Variants in AFAP1 observed in about 807,000 individuals in gnomAD.
AFAP1 encodes the protein actin filament associated protein 1.
AFAP1 carries 75 observed loss-of-function variants against 93.9 expected under a neutral mutation model. The observed-to-expected ratio is 0.80, with a 90% CI of 0.66 to 0.97. The LOEUF is 0.97. Among genes scored for constraint, AFAP1 ranks in the 50% least tolerant of loss-of-function variants. AFAP1 has a pLI of 0.00. For missense variants in AFAP1, 1,201 were observed against 1,050.8 expected (o/e 1.14, Z -1.98); for synonymous variants, 517 against 430.7 (o/e 1.20, Z -2.48).
At chr4:7,802,693 A>C (rs1719158009) in intron 9 of AFAP1, among the ~76,000 whole-genome samples, 1 of 142,236 alleles carries the variant, frequency 7.0e-6, no homozygotes, top group Admixed American at 7.5e-5. Context: ...CCAGGCTGGC[A>C]GGCTGGAGTG....
chr4:7,856,740 G>A (rs574867007), intron 3 of AFAP1, among the ~76,000 whole-genome samples: 5 of 152,226 alleles, frequency 3.3e-5, no homozygotes, highest in Admixed American at 1.3e-4. Context: ...TCCCTCCTAA[G>A]ACCATCTACA....
intron 1 of AFAP1, among the ~76,000 whole-genome samples, chr4:7,914,705 C>G (rs1260258847): frequency 6.6e-6 from 1 of 152,150 alleles, no homozygotes; most frequent in East Asian, 1.9e-4. Flanking sequence ...GTAGTTTTCT[C>G]AGGAACCTCC....
chr4:7,820,202 C>G (rs992898562), intron 6 of AFAP1, among the ~76,000 whole-genome samples: 2 of 152,142 alleles, frequency 1.3e-5, no homozygotes. Flanking sequence ...GGACATGGGA[C>G]TTGAGGGAAA....
At chr4:7,864,166 C>CTTCCCA (rs1257426017) in intron 3 of AFAP1, among the ~76,000 whole-genome samples, 51 of 152,042 alleles carry the variant, frequency 3.4e-4, no homozygotes, top group Middle Eastern at 3.4e-3. Context: ...CATCACAACC[C>CTTCCCA]ACAGGTCCTT....
chr4:7,830,466 A>T (rs531299352), intron 6 of AFAP1, among the ~76,000 whole-genome samples: 129 of 152,362 alleles, frequency 8.5e-4, no homozygotes, highest in African/African-American at 3.0e-3. Flanking sequence ...TGGCCATCAG[A>T]AGCAGATAAT....
chr4:7,836,709 A>G (rs1712343309), intron 6 of AFAP1, among the ~76,000 whole-genome samples: 1 of 152,160 alleles, frequency 6.6e-6, no homozygotes, highest in East Asian at 1.9e-4. Context: ...TTGGCTCCCA[A>G]AGTGCTGGGA....
chr4:7,798,828 AC>A, intron 10 of AFAP1: 1 of 763,404 alleles, frequency 1.3e-6, no homozygotes, highest in Non-Finnish European at 1.6e-6. Flanking sequence ...ACTTCCACCC[AC>A]CCCCACCGCA....
At position 7,879,698 on chromosome 4, in the gene AFAP1, G is replaced by A. The variant is rs796506737; in HGVS notation, c.-2-7618C>T. 6.3e-4 allele frequency among the ~76,000 whole-genome samples: 64 copies of A among 101,672 alleles called. 1 individual carries two copies. Among genetic ancestry groups the A allele is most frequent in the African/African-American group, 2.0e-3 (61 of 30,004 alleles). The allele number at this position is 101,672 out of a possible 152,430, so 66.7% of individuals were successfully genotyped here. On this transcript the variant is annotated intron_variant, in intron 1 of 17. Transcript: ENST00000420658. Reference sequence around the variant, plus strand: ...ACTAATTAATTATCTCTGCTTGCTTGCTTTTTTTTTTTTTTTTTTGTGAGA... The same window carrying A: ...ACTAATTAATTATCTCTGCTTGCTTACTTTTTTTTTTTTTTTTTTGTGAGA...
chr4:7,888,143 T>C (rs1718238744), intron 1 of AFAP1, among the ~76,000 whole-genome samples: 2 of 152,250 alleles, frequency 1.3e-5, no homozygotes, highest in African/African-American at 4.8e-5. Flanking sequence ...AGAACAATTA[T>C]TAATTTCAGG....
chr4:7,914,581 G>A lies in AFAP1; in HGVS notation c.-3+25075C>T, dbSNP rs1008516855. Among the ~76,000 whole-genome samples the A allele has an allele frequency of 3.5e-4, 53 of 152,046 alleles. 1 individual carries two copies. Among genetic ancestry groups the A allele is most frequent in the Admixed American group, 9.2e-4 (14 of 15,262 alleles). On this transcript the variant is annotated intron_variant, in intron 1 of 17. Transcript: ENST00000420658. ...GAGGCTGATTCCATATCTTGGCTAC[G>A]GTGAACAGCGCTGCAGGTAACACAG...
chr4:7,887,519 C>T (rs1478195823), intron 1 of AFAP1, among the ~76,000 whole-genome samples: 1 of 152,126 alleles, frequency 6.6e-6, no homozygotes, highest in African/African-American at 2.4e-5. Flanking sequence ...ACAAAGCCAC[C>T]AATATAATGT....
At chr4:7,799,663 A>G (rs937566853) in intron 10 of AFAP1, among the ~76,000 whole-genome samples, 48 of 152,200 alleles carry the variant, frequency 3.2e-4, no homozygotes, top group African/African-American at 1.2e-3. Context: ...TGGTCATAAT[A>G]ACACTAAGTG....
chr4:7,797,980 G>A (rs553878451), intron 10 of AFAP1, among the ~76,000 whole-genome samples: 4 of 152,206 alleles, frequency 2.6e-5, no homozygotes, highest in Non-Finnish European at 4.4e-5. Context: ...AGGGCGCACA[G>A]GCATCCTTCG....
intron 1 of AFAP1, among the ~76,000 whole-genome samples, chr4:7,905,797 G>T (rs1217470443): frequency 6.6e-6 from 1 of 152,204 alleles, no homozygotes; most frequent in African/African-American, 2.4e-5. Context: ...CCTTCACACA[G>T]AAAAGAACTT....
chr4:7,852,089 T>C (rs1714502830), intron 4 of AFAP1, among the ~76,000 whole-genome samples: 1 of 152,210 alleles, frequency 6.6e-6, no homozygotes, highest in Non-Finnish European at 1.5e-5. Context: ...TATCCAATTA[T>C]AGTGCCAGCC....
In AFAP1 at chr4:7,870,660, G is replaced by GA. The variant is rs956388669; in HGVS notation, c.127+1291dup. ...TGACACAGTGAGACCCTGTCTCAAA[G>GA]AAAAAAAAAAGTTAATATTTCATAT... is the stretch of plus-strand genomic sequence containing the variant. On this transcript the variant is annotated intron_variant, in intron 2 of 17. Coordinates refer to ENST00000420658, the MANE Select transcript of AFAP1 (RefSeq NM_001134647.2). Among the ~76,000 whole-genome samples the GA allele has an allele frequency of 9.2e-4, 137 of 148,538 alleles. 1 individual carries two copies. Among genetic ancestry groups the GA allele is most frequent in the Middle Eastern group, 3.4e-3 (1 of 290 alleles).
chr4:7,819,202 GC>G, intron 6 of AFAP1, 31 bp from the exon 7 acceptor site: 2 of 1,568,218 alleles, frequency 1.3e-6, no homozygotes, highest in Non-Finnish European at 1.7e-6. Context: ...TTGTGAGTAT[GC>G]CCAAAGGCAG....
In AFAP1 at chr4:7,933,040, A is replaced by AAAAG. The variant is rs1553858303; in HGVS notation, c.-3+6615_-3+6616insCTTT. 3.6e-3 allele frequency among the ~76,000 whole-genome samples: 423 copies of AAAAG among 118,642 alleles called. 4 individuals are homozygous for AAAAG. The highest frequency in any genetic ancestry group is 5.9e-3 in the Non-Finnish European group (338 of 57,504). 77.8% of individuals were successfully genotyped at this position (118,642 alleles called of 152,430 possible). On this transcript the variant is annotated intron_variant, in intron 1 of 17. Coordinates refer to ENST00000420658, the MANE Select transcript of AFAP1 (RefSeq NM_001134647.2). Reference sequence around the variant, plus strand: ...CTCTCAAAAAAAAAAAAAAAAAAAAAGGGGGGGGATCTTCACGTTCCTGAC... The same window carrying AAAAG: ...CTCTCAAAAAAAAAAAAAAAAAAAAAAAAGGGGGGGGGATCTTCACGTTCCTGAC...
intron 1 of AFAP1, among the ~76,000 whole-genome samples, chr4:7,919,135 G>C (rs190889664): frequency 9.2e-5 from 14 of 152,338 alleles, no homozygotes; most frequent in African/African-American, 3.4e-4. Flanking sequence ...CAGGGCTGCA[G>C]ATGAGACACT....
Sources: gnomAD v4.1 joint callset for allele counts (sites outside exome capture counted in the v4.1 genomes callset) on GRCh38, gnomAD v4.1.1 for gene constraint, MANE v1.5 for transcripts, NCBI Gene and HGNC (gene_info 2026-07-23, HGNC 2026-07-21) for gene names.